The following BDNF variants were observed in gnomAD, a reference collection of about 807,000 sequenced individuals.
BDNF encodes the protein brain derived neurotrophic factor.
In BDNF, 1 loss-of-function variant was observed where a neutral mutation model predicts 19.5. The ratio of observed to expected loss-of-function variants is 0.05; its 90% CI spans 0.02 to 0.24. BDNF has a LOEUF of 0.24. Ranked by LOEUF, BDNF falls within the 10% of genes least tolerant of loss-of-function variation. BDNF has a pLI of 1.00. For synonymous variants in BDNF, 100 were observed against 121.6 expected, an observed-to-expected ratio of 0.82 and a Z score of 1.17; for missense variants, 195 against 317.6, an observed-to-expected ratio of 0.61 and a Z score of 2.93.
At chr11:27,677,587 T>G (rs1274234388) in intron 1 of BDNF, 1 of 152,112 alleles carries the variant, frequency 6.6e-6, no homozygotes, top group Non-Finnish European at 1.5e-5. Flanking sequence ...TACTCATATT[T>G]ACCTGTATCT....
At chr11:27,688,619 C>A (rs1857822653) in intron 1 of BDNF, among the ~76,000 whole-genome samples, 1 of 152,170 alleles carries the variant, frequency 6.6e-6, no homozygotes, top group Admixed American at 6.5e-5. Context: ...ATAGCACTGT[C>A]CCTCATGGCA....
chr11:27,697,455 A>C (rs1859230444), intron 1 of BDNF: 1 of 152,300 alleles, frequency 6.6e-6, no homozygotes, highest in Middle Eastern at 3.4e-3. Context: ...GGATTTTAGA[A>C]ATTTGCATTT....
upstream of BDNF, among the ~76,000 whole-genome samples, chr11:27,701,934 G>A (rs189321844): frequency 1.7e-3 from 254 of 152,202 alleles, 1 homozygote; most frequent in Admixed American, 5.0e-3. Flanking sequence ...TTCGAGGGTG[G>A]GGGCAGAACT....
At chr11:27,685,661 T>G (rs1857387121) in intron 1 of BDNF, among the ~76,000 whole-genome samples, 1 of 152,228 alleles carries the variant, frequency 6.6e-6, no homozygotes, top group Non-Finnish European at 1.5e-5. Context: ...ATTTACTCAG[T>G]AGTCATTCAG....
intron 1 of BDNF, chr11:27,720,424 C>G: frequency 1.0e-6 from 1 of 985,842 alleles, no homozygotes; most frequent in Non-Finnish European, 1.2e-6. Context: ...ACCCAGTATA[C>G]CAACCCGGAG....
intron 1 of BDNF, among the ~76,000 whole-genome samples, chr11:27,691,918 A>G (rs536714657): frequency 6.6e-5 from 10 of 152,284 alleles, no homozygotes; most frequent in African/African-American, 2.4e-4. Flanking sequence ...TTCTTAGTTT[A>G]GCTACTGAAC....
rs534997578 is a variant in BDNF at position 27,679,591 on chromosome 11, AC to A, written c.-22+20572del. On this transcript the variant is annotated intron_variant, in intron 1 of 1. Coordinates refer to ENST00000356660, the MANE Select transcript of BDNF (RefSeq NM_001709.5). ...TGCAAGTATGACATGAAAACCAGAG[AC>A]CCAAGGAGGTGGGCACATTCCCACC... 1.9e-3 allele frequency among the ~76,000 whole-genome samples: 294 copies of A among 152,206 alleles called. 1 individual carries two copies. Among genetic ancestry groups the A allele is most frequent in the African/African-American group, 6.7e-3 (279 of 41,524 alleles).
chr11:27,664,545 G>T (rs373157676), intron 1 of BDNF, among the ~76,000 whole-genome samples: 1 of 152,112 alleles, frequency 6.6e-6, no homozygotes, highest in South Asian at 2.1e-4. Flanking sequence ...TTGGGAGGCC[G>T]AGGCGGGAGG....
At chr11:27,721,322 T>G (rs1860735160) in intron 1 of BDNF, 1 of 1,437,220 alleles carries the variant, frequency 7.0e-7, no homozygotes, top group Non-Finnish European at 9.8e-7. Flanking sequence ...TTCTTTGGCG[T>G]GTGAAGTGCT....
intron 1 of BDNF, among the ~76,000 whole-genome samples, chr11:27,717,860 AGTGTGTGTGTGT>A (rs56730757): frequency 4.1e-5 from 6 of 147,454 alleles, no homozygotes; most frequent in South Asian, 2.2e-4. Context: ...TTACAAGTTG[AGTGTGTGTGTGT>A]GTGTGTGTGT....
chr11:27,678,535 AT>A (rs1856466292), intron 1 of BDNF, among the ~76,000 whole-genome samples: 1 of 152,212 alleles, frequency 6.6e-6, no homozygotes, highest in African/African-American at 2.4e-5. Context: ...ACTAAGGGAA[AT>A]TAGGGAGATG....
At position 27,656,480 on chromosome 11, in the gene BDNF, A is replaced by G; in HGVS notation, c.*1341T>C. The G allele has an allele frequency of 1.1e-6, 1 of 939,010 alleles. No homozygotes were observed. The highest frequency in any genetic ancestry group is 1.3e-6 in the Non-Finnish European group (1 of 787,432). 58.2% of individuals were successfully genotyped at this position (939,010 alleles called of 1,614,324 possible). On this transcript the variant is annotated 3_prime_UTR_variant, in exon 2 of 2. Transcript: ENST00000356660. ...GAGCCACCTCTGAAGGGTCCTTCAGAGGCCTTCGTTTTGGAATGTCTCAAA... is the reference window on the plus strand; with the variant it reads ...GAGCCACCTCTGAAGGGTCCTTCAGGGGCCTTCGTTTTGGAATGTCTCAAA...
intron 1 of BDNF, chr11:27,719,662 A>G (rs1026833834): frequency 2.0e-4 from 194 of 983,592 alleles, no homozygotes; most frequent in Non-Finnish European, 2.2e-4. Context: ...ACCCAGAAAG[A>G]AGCATCCAGC....
rs1859760579 is a variant in BDNF, at chr11:27,700,336, G to A, written c.-194C>T. The A allele has an allele frequency of 1.0e-6, 1 of 985,252 alleles. No homozygotes were observed. Among genetic ancestry groups the A allele is most frequent in the Admixed American group, 6.2e-5 (1 of 16,246 alleles). The allele number at this position is 985,252 out of a possible 1,614,324, so 61.0% of individuals were successfully genotyped here. On this transcript the variant is annotated 5_prime_UTR_variant, in exon 1 of 2. Transcript: ENST00000356660. ...CGAGCAGGAGGTGGAGGGGCGCACC[G>A]GGCTGGCTCCTCTGTCCGGCCCGGG...
chr11:27,714,332 C>A (rs1860440084), intron 1 of BDNF, among the ~76,000 whole-genome samples: 1 of 152,140 alleles, frequency 6.6e-6, no homozygotes, highest in Non-Finnish European at 1.5e-5. Flanking sequence ...ATCTAATTAT[C>A]TATTATCATG....
exon 1 of BDNF, chr11:27,721,968 G>T (rs1397656059): frequency 6.5e-6 from 1 of 153,950 alleles, no homozygotes; most frequent in African/African-American, 2.4e-5. Flanking sequence ...CTGTCGCCAG[G>T]TAAGAAAACC....
At chr11:27,674,413 C>G in intron 1 of BDNF, 1 of 1,461,594 alleles carries the variant, frequency 6.8e-7, no homozygotes, top group Non-Finnish European at 9.0e-7. Context: ...ATATGTTCTC[C>G]TAGCCACTGC....
chr11:27,708,497 AT>A (rs888365202), intron 1 of BDNF, among the ~76,000 whole-genome samples: 16 of 151,578 alleles, frequency 1.1e-4, no homozygotes, highest in East Asian at 3.9e-4. Context: ...TTTTTTTCTA[AT>A]TTTTTTTTAT....
chr11:27,664,733 T>C lies in BDNF; in HGVS notation c.-21-6148A>G, dbSNP rs546404314. 5.3e-5 allele frequency among the ~76,000 whole-genome samples: 8 copies of C among 152,286 alleles called. No individual in the cohort carries two copies. In the East Asian group the frequency reaches 5.8e-4, roughly 11 times the overall value. On this transcript the variant is annotated intron_variant, in intron 1 of 1. Transcript: ENST00000356660. ...AAGAAGTTGAGGCTACAGTGAGCGA[T>C]TGATCATGCCACTGAACTCCAGCCT... is the stretch of plus-strand genomic sequence containing the variant.
Sources: allele counts gnomAD v4.1 joint callset (sites outside exome capture counted in the v4.1 genomes callset), GRCh38; gene constraint gnomAD v4.1.1; transcripts MANE v1.5; gene names NCBI Gene and HGNC (gene_info 2026-07-23, HGNC 2026-07-21).